The following RAB3D variants were observed in gnomAD, a reference collection of about 807,000 sequenced individuals.
RAB3D encodes ras-related protein Rab-3D.
In RAB3D, 17 loss-of-function variants were observed where a neutral mutation model predicts 19.3. That is an observed-to-expected ratio of 0.88 (90% CI 0.60 to 1.32). RAB3D has a LOEUF of 1.32. Ranked by LOEUF, RAB3D falls within the 40% of genes most tolerant of loss-of-function variation. The probability of loss-of-function intolerance (pLI) is 0.00; values close to 1 mark genes in which losing one functional copy is unlikely to be tolerated. For synonymous variants in RAB3D, 103 were observed against 119.9 expected (o/e 0.86, Z 0.92); for missense variants, 223 against 299.1 (o/e 0.75, Z 1.88).
Position 11,325,426 on chromosome 19 carries a change from G to GGGGGC in RAB3D, c.631_632insGCCCC (p.Ala211GlyfsTer33). On this transcript the variant is annotated frameshift_variant, in exon 5 of 5. Coordinates refer to ENST00000222120, the MANE Select transcript of RAB3D (RefSeq NM_004283.4). LOFTEE classifies it high-confidence loss of function. ...GCAGCTGCAGCTGCTGGGCTGGGGG[G>GGGGGC]CTGGAGCATCCCCCACGGCCGGGCC... The GGGGGC allele has an allele frequency of 1.2e-6, 1 of 825,484 alleles. No individual in the cohort carries two copies. The highest frequency in any genetic ancestry group is 1.8e-6 in the Non-Finnish European group (1 of 553,946). The allele number at this position is 825,484 out of a possible 1,614,324, so 51.1% of individuals were successfully genotyped here.
At chr19:11,330,467 C>A (rs186183118) in intron 4 of RAB3D, among the ~76,000 whole-genome samples, 5 of 152,234 alleles carry the variant, frequency 3.3e-5, no homozygotes, top group South Asian at 2.1e-4. Flanking sequence ...GTGATCCCAG[C>A]ACTTTGGGAG....
intron 4 of RAB3D, 130 bp downstream of exon 4, chr19:11,335,317 G>T: frequency 7.7e-7 from 1 of 1,292,378 alleles, no homozygotes; most frequent in Non-Finnish European, 1.1e-6. Flanking sequence ...GGGACATGTG[G>T]CATACACATG....
At position 11,339,203 on chromosome 19, in the gene RAB3D, C is replaced by T. The variant is rs967055809; in HGVS notation, c.-62+266G>A. On this transcript the variant is annotated intron_variant, in intron 1 of 4. Coordinates refer to ENST00000222120, the MANE Select transcript of RAB3D (RefSeq NM_004283.4). The stretch of plus-strand genomic sequence containing the variant: ...TCTTTCTAACCATCTGCCGACCCTC[C>T]CTCAAGCCTGGCCCCGGAGGGCTCG... 3.2e-4 allele frequency among the ~76,000 whole-genome samples: 49 copies of T among 152,336 alleles called. 1 individual carries two copies. The highest frequency in any genetic ancestry group is 1.1e-3 in the African/African-American group (46 of 41,588).
At chr19:11,339,099 TC>T (rs2147971988) in intron 1 of RAB3D, among the ~76,000 whole-genome samples, 1 of 152,172 alleles carries the variant, frequency 6.6e-6, no homozygotes, top group East Asian at 1.9e-4. Context: ...AGGAAACCTT[TC>T]CCCACGCAGG....
intron 4 of RAB3D, among the ~76,000 whole-genome samples, chr19:11,327,368 G>A (rs1014816108): frequency 9.9e-5 from 15 of 152,206 alleles, no homozygotes; most frequent in South Asian, 2.1e-4. Context: ...CCTTATCCAC[G>A]CGTGGCTTTG....
At chr19:11,326,778 A>AT (rs1260298132) in intron 4 of RAB3D, 12 of 694,334 alleles carry the variant, frequency 1.7e-5, no homozygotes, top group Admixed American at 4.1e-5. Context: ...TAATTTTTCA[A>AT]TTTTTTCTTT....
In RAB3D at chr19:11,323,306, A is replaced by G. The variant is rs1477326310; in HGVS notation, c.*2092T>C. ...CATCTAATTTGTTGGTATAAAAGATACCCTCGGCTGGGCGTGATGGCTCAC... is the reference window on the plus strand; with the variant it reads ...CATCTAATTTGTTGGTATAAAAGATGCCCTCGGCTGGGCGTGATGGCTCAC... On this transcript the variant is annotated 3_prime_UTR_variant, in exon 5 of 5. Coordinates refer to ENST00000222120, the MANE Select transcript of RAB3D (RefSeq NM_004283.4). 2.0e-5 allele frequency: 3 copies of G among 152,186 alleles called. No individual in the cohort carries two copies. Among genetic ancestry groups the G allele is most frequent in the African/African-American group, 7.2e-5 (3 of 41,438 alleles). 9.4% of individuals were successfully genotyped at this position (152,186 alleles called of 1,614,324 possible). A position where few individuals can be genotyped will look rare whatever the true frequency, so the allele number is the denominator to read the frequency against.
At chr19:11,335,905 T>C (rs2147970554) in intron 2 of RAB3D, 122 bp from the exon 3 acceptor site, 1 of 886,720 alleles carries the variant, frequency 1.1e-6, no homozygotes, top group Non-Finnish European at 1.8e-6. Context: ...GACTTGCTTG[T>C]ACAACCTCTG....
chr19:11,330,212 G>A (rs903363407), intron 4 of RAB3D, among the ~76,000 whole-genome samples: 1 of 152,206 alleles, frequency 6.6e-6, no homozygotes, highest in South Asian at 2.1e-4. Flanking sequence ...AGGGGAAAGG[G>A]ACTGGTTATG....
Position 11,324,489 on chromosome 19 carries a change from C to T in RAB3D, c.*909G>A, listed in dbSNP as rs2080799558. 1 of 137,394 alleles carries T rather than the reference C, an allele frequency of 7.3e-6. No homozygotes were observed. The highest frequency in any genetic ancestry group is 1.5e-5 in the Non-Finnish European group (1 of 67,322). 8.5% of individuals were successfully genotyped at this position (137,394 alleles called of 1,614,324 possible). On this transcript the variant is annotated 3_prime_UTR_variant, in exon 5 of 5. Transcript: ENST00000222120. ...TGATTGGGCAAGAACTTGCTTAAAA[C>T]ACAACCAGCTAAACAGCTAAACAGG... is the stretch of plus-strand genomic sequence containing the variant.
chr19:11,339,433 C>T (rs1390061463), intron 1 of RAB3D, 36 bp downstream of exon 1: 2 of 152,472 alleles, frequency 1.3e-5, no homozygotes, highest in Non-Finnish European at 2.9e-5. Context: ...TCCCCAGACC[C>T]CCTACCTTCC....
rs1329766055 is a variant in RAB3D, at chr19:11,324,817, G to A, written c.*581C>T. The A allele has an allele frequency of 6.6e-6, 1 of 152,534 alleles. No individual in the cohort carries two copies. Among genetic ancestry groups the A allele is most frequent in the African/African-American group, 2.4e-5 (1 of 41,424 alleles). 9.4% of individuals were successfully genotyped at this position (152,534 alleles called of 1,614,324 possible). A position where few individuals can be genotyped will look rare whatever the true frequency, so the allele number is the denominator to read the frequency against. ...AATGGGAAAAGGCTGCTTCAATGCTGCTTTTCGCAAGTAGAGGGTCTGCAG... is the reference window on the plus strand; with the variant it reads ...AATGGGAAAAGGCTGCTTCAATGCTACTTTTCGCAAGTAGAGGGTCTGCAG... On this transcript the variant is annotated 3_prime_UTR_variant, in exon 5 of 5. Transcript: ENST00000222120.
intron 2 of RAB3D, among the ~76,000 whole-genome samples, chr19:11,336,367 G>A (rs1421885516): frequency 5.3e-5 from 8 of 152,144 alleles, no homozygotes; most frequent in Non-Finnish European, 8.8e-5. Context: ...GGAATGCAGC[G>A]GTGCAATCAT....
At chr19:11,335,628 G>C in intron 3 of RAB3D, 37 bp downstream of exon 3, 1 of 1,613,758 alleles carries the variant, frequency 6.2e-7, no homozygotes. Flanking sequence ...CAGAGGAGAG[G>C]GCAAAGATCA....
At chr19:11,335,604 G>A (rs372600568) in intron 3 of RAB3D, 33 bp from the exon 4 acceptor site, 25 of 1,613,680 alleles carry the variant, frequency 1.5e-5, no homozygotes, top group Non-Finnish European at 2.0e-5. Flanking sequence ...CCATGAGCCG[G>A]GGGGGTTAGG....
rs938876216 is a variant in RAB3D, at chr19:11,323,311, C to T, written c.*2087G>A. 6.6e-6 allele frequency: 1 copy of T among 152,114 alleles called. No individual in the cohort carries two copies. Among genetic ancestry groups the T allele is most frequent in the Non-Finnish European group, 1.5e-5 (1 of 68,026 alleles). 9.4% of individuals were successfully genotyped at this position (152,114 alleles called of 1,614,324 possible). ...AATTTGTTGGTATAAAAGATACCCT[C>T]GGCTGGGCGTGATGGCTCACGCCTG... On this transcript the variant is annotated 3_prime_UTR_variant, in exon 5 of 5. Transcript: ENST00000222120.
At chr19:11,338,441 A>G (rs913044733) in intron 1 of RAB3D, among the ~76,000 whole-genome samples, 4 of 152,154 alleles carry the variant, frequency 2.6e-5, no homozygotes, top group Non-Finnish European at 4.4e-5. Context: ...CCCCTGATTA[A>G]GGCTTGGGTG....
intron 4 of RAB3D, among the ~76,000 whole-genome samples, chr19:11,330,282 TG>T (rs1232545801): frequency 6.6e-6 from 1 of 152,252 alleles, no homozygotes; most frequent in Non-Finnish European, 1.5e-5. Context: ...TTAGGCTTTC[TG>T]GGTCATATGG....
At chr19:11,327,008 A>G (rs1338072957) in intron 4 of RAB3D, 2 of 479,520 alleles carry the variant, frequency 4.2e-6, no homozygotes, top group Non-Finnish European at 7.3e-6. Flanking sequence ...TAAGCCAGGA[A>G]TTCAGACAAA....
Sources: allele counts gnomAD v4.1 joint callset (sites outside exome capture counted in the v4.1 genomes callset), GRCh38; gene constraint gnomAD v4.1.1; transcripts MANE v1.5; gene names NCBI Gene and HGNC (gene_info 2026-07-23, HGNC 2026-07-21).